Variants in DPP10 observed in about 807,000 individuals in gnomAD.
The protein encoded by DPP10 is inactive dipeptidyl peptidase 10.
Under a neutral mutation model 120.9 loss-of-function variants are expected in DPP10, and 33 were observed. That is an observed-to-expected ratio of 0.27 (90% CI 0.21 to 0.37). DPP10 has a LOEUF of 0.37. Ranked by LOEUF, DPP10 falls within the 10% of genes least tolerant of loss-of-function variation. The probability of loss-of-function intolerance (pLI) is 1.00; values close to 1 mark genes in which losing one functional copy is unlikely to be tolerated. For synonymous variants in DPP10, 337 were observed against 326.1 expected, an observed-to-expected ratio of 1.03 and a Z score of -0.36; for missense variants, 816 against 942.8, an observed-to-expected ratio of 0.87 and a Z score of 1.76.
chr2:114,819,790 A>G (rs926695446), intron 1 of DPP10, among the ~76,000 whole-genome samples: 4 of 152,300 alleles, frequency 2.6e-5, no homozygotes, highest in African/African-American at 7.2e-5. Flanking sequence ...TCTATTCGTT[A>G]TCAAAACCGG....
At chr2:115,784,619 C>T (rs1019206156) in intron 17 of DPP10, among the ~76,000 whole-genome samples, 4 of 152,062 alleles carry the variant, frequency 2.6e-5, no homozygotes, top group Non-Finnish European at 5.9e-5. Flanking sequence ...CCGCAACCTC[C>T]ACCTCCCAGG....
chr2:115,309,457 T>C, intron 2 of DPP10, 104 bp downstream of exon 2: 1 of 1,020,062 alleles, frequency 9.8e-7, no homozygotes, highest in Non-Finnish European at 1.4e-6. Context: ...TTAGGGCACA[T>C]TAGCATGGGT....
chr2:115,340,923 T>C (rs1237811633), intron 2 of DPP10, among the ~76,000 whole-genome samples: 1 of 152,082 alleles, frequency 6.6e-6, no homozygotes, highest in Non-Finnish European at 1.5e-5. Flanking sequence ...TGATAAAATA[T>C]AATTCTCTAA....
intron 2 of DPP10, among the ~76,000 whole-genome samples, chr2:115,340,679 A>C (rs995654704): frequency 6.6e-6 from 1 of 151,902 alleles, no homozygotes; most frequent in South Asian, 2.1e-4. Context: ...AAAAATGTAA[A>C]TGAAATATGT....
intron 1 of DPP10, among the ~76,000 whole-genome samples, chr2:114,737,607 G>A (rs1677577914): frequency 6.6e-6 from 1 of 152,202 alleles, no homozygotes; most frequent in Admixed American, 6.5e-5. Flanking sequence ...AGAGATCAGT[G>A]TGCTCTTATT....
At chr2:115,428,051 A>G (rs186814937) in intron 3 of DPP10, among the ~76,000 whole-genome samples, 3 of 152,184 alleles carry the variant, frequency 2.0e-5, no homozygotes, top group African/African-American at 7.2e-5. Context: ...TCCAGCCAAG[A>G]TGTTTGCTGA....
At chr2:115,103,312 A>G (rs2104633027) in intron 1 of DPP10, among the ~76,000 whole-genome samples, 1 of 149,900 alleles carries the variant, frequency 6.7e-6, no homozygotes, top group East Asian at 2.0e-4. Context: ...CTCAGCCTCC[A>G]AAGTAGCTGG....
intron 2 of DPP10, among the ~76,000 whole-genome samples, chr2:115,321,086 G>T (rs2062033641): frequency 6.6e-6 from 1 of 152,248 alleles, no homozygotes; most frequent in African/African-American, 2.4e-5. Context: ...GATCACCTGA[G>T]GCCAGGAGTT....
intron 1 of DPP10, among the ~76,000 whole-genome samples, chr2:115,082,407 A>G (rs2104504307): frequency 6.6e-6 from 1 of 152,260 alleles, no homozygotes; most frequent in East Asian, 1.9e-4. Context: ...ACATGGAACT[A>G]TGGTTATGGC....
chr2:115,457,386 A>G (rs1019486141), intron 3 of DPP10, among the ~76,000 whole-genome samples: 2 of 152,194 alleles, frequency 1.3e-5, no homozygotes, highest in Non-Finnish European at 2.9e-5. Flanking sequence ...AGCATCATTC[A>G]TAAAAGTGAA....
intron 11 of DPP10, among the ~76,000 whole-genome samples, chr2:115,761,790 A>G (rs1680142595): frequency 6.6e-6 from 1 of 152,072 alleles, no homozygotes; most frequent in Non-Finnish European, 1.5e-5. Context: ...CATATAAATA[A>G]TTTATTATTA....
At chr2:115,749,999 G>A (rs578090531) in intron 10 of DPP10, 1 of 985,356 alleles carries the variant, frequency 1.0e-6, no homozygotes, top group Non-Finnish European at 1.2e-6. Flanking sequence ...GGCTCAAGAG[G>A]ACCAGATCCT....
At position 115,323,551 on chromosome 2, in the gene DPP10, T is replaced by C; in HGVS notation, c.175+14198T>C. ...AGAAATGTGAATTATTTCCAGAAGATTTTTAATTCACTTTGCCCAGACCCT... is the reference window on the plus strand; with the variant it reads ...AGAAATGTGAATTATTTCCAGAAGACTTTTAATTCACTTTGCCCAGACCCT... On this transcript the variant is annotated intron_variant, in intron 2 of 25. Coordinates refer to ENST00000410059, the MANE Select transcript of DPP10 (RefSeq NM_020868.6). 2.0e-5 allele frequency among the ~76,000 whole-genome samples: 3 copies of C among 152,320 alleles called. No homozygotes were observed. In the Middle Eastern group the frequency reaches 0.01, roughly 518 times the overall value.
intron 1 of DPP10, among the ~76,000 whole-genome samples, chr2:114,842,407 CA>C (rs1688230464): frequency 6.6e-6 from 1 of 151,948 alleles, no homozygotes; most frequent in Admixed American, 6.6e-5. Context: ...ATTTCTTAGT[CA>C]ATCATGAATT....
intron 1 of DPP10, among the ~76,000 whole-genome samples, chr2:114,501,962 G>A (rs931117414): frequency 3.8e-5 from 5 of 131,064 alleles, no homozygotes; most frequent in East Asian, 2.3e-4. Flanking sequence ...TTGAGACAGA[G>A]TCTCAATCCA....
intron 1 of DPP10, among the ~76,000 whole-genome samples, chr2:114,841,737 C>T (rs1332230971): frequency 6.6e-6 from 1 of 151,932 alleles, no homozygotes; most frequent in African/African-American, 2.4e-5. Context: ...GTGAACTTAC[C>T]CAGCACAGGA....
At chr2:115,172,327 T>G in intron 1 of DPP10, among the ~76,000 whole-genome samples, 1 of 149,778 alleles carries the variant, frequency 6.7e-6, no homozygotes, top group South Asian at 2.1e-4. Context: ...GAGCTTGCAG[T>G]GAGCCCAGAT....
intron 3 of DPP10, among the ~76,000 whole-genome samples, chr2:115,431,704 TTG>T (rs2071001869): frequency 6.6e-6 from 1 of 152,132 alleles, no homozygotes; most frequent in Admixed American, 6.6e-5. Context: ...ATCACTTTTC[TTG>T]TGTTTGTGAC....
In DPP10 at chr2:115,739,835, T is replaced by C; in HGVS notation, c.794T>C (p.Val265Ala). 1 of 1,613,578 alleles carries C rather than the reference T, an allele frequency of 6.2e-7. No individual in the cohort carries two copies. Residue 265 changes from valine to alanine, a missense_variant, in exon 9 of 26, where the codon GTT becomes GCT. Val to Ala is a moderately conservative substitution (Grantham distance 64). Coordinates refer to ENST00000410059, the MANE Select transcript of DPP10 (RefSeq NM_020868.6). ...AATGACTCTTTGGTACCCACCATGG[T>C]TATCCCTCGGTTTACTGGAGCGTTG... is the stretch of plus-strand genomic sequence containing the variant. Reference protein sequence around the residue: ...MINDSLVPTMVIPRFTGALYP... With the variant: ...MINDSLVPTMAIPRFTGALYP...
Sources: allele counts gnomAD v4.1 joint callset (sites outside exome capture counted in the v4.1 genomes callset), GRCh38; gene constraint gnomAD v4.1.1; transcripts MANE v1.5; gene names NCBI Gene and HGNC (gene_info 2026-07-23, HGNC 2026-07-21).